The following TRAK1 variants were observed in gnomAD, a reference collection of about 807,000 sequenced individuals.
TRAK1 encodes the protein trafficking kinesin protein 1, also known as trafficking kinesin-binding protein 1.
Under a neutral mutation model 92.1 loss-of-function variants are expected in TRAK1, and 33 were observed. The ratio of observed to expected loss-of-function variants is 0.36; its 90% CI spans 0.27 to 0.48. TRAK1 has a LOEUF of 0.48. TRAK1 is among the 20% of genes least tolerant of loss of function. The pLI is 0.99. For missense variants in TRAK1, 1,123 were observed against 1,257.9 expected (o/e 0.89, Z 1.62); for synonymous variants, 521 against 517.3 (o/e 1.01, Z -0.10).
chr3:42,102,898 C>A (rs1201844756), intron 1 of TRAK1, among the ~76,000 whole-genome samples: 1 of 152,166 alleles, frequency 6.6e-6, no homozygotes, highest in Non-Finnish European at 1.5e-5. Context: ...TCTATCAGTA[C>A]GTGTGCTCAG....
intron 3 of TRAK1, among the ~76,000 whole-genome samples, chr3:42,183,492 G>A (rs1216827629): frequency 6.7e-6 from 1 of 149,630 alleles, no homozygotes; most frequent in Non-Finnish European, 1.5e-5. Context: ...AGAGGTGGAG[G>A]TTACAGTGAG....
upstream of TRAK1, chr3:42,091,007 A>T (rs1705005333): frequency 1.2e-5 from 2 of 167,150 alleles, no homozygotes; most frequent in South Asian, 3.2e-4. Flanking sequence ...CCAAGAATGC[A>T]TCTGTGGCCT....
chr3:42,091,825 A>G (rs577402206), intron 1 of TRAK1, among the ~76,000 whole-genome samples: 1 of 152,162 alleles, frequency 6.6e-6, no homozygotes, highest in South Asian at 2.1e-4. Flanking sequence ...TGCAAGTGAC[A>G]CTTGCAGGGC....
At chr3:42,121,882 A>G (rs1008056171) in intron 1 of TRAK1, among the ~76,000 whole-genome samples, 1 of 151,728 alleles carries the variant, frequency 6.6e-6, no homozygotes, top group Non-Finnish European at 1.5e-5. Context: ...CAGTGGCGTG[A>G]TCTTGGCTTA....
At chr3:42,111,033 GC>G (rs1274771990) in intron 1 of TRAK1, among the ~76,000 whole-genome samples, 1 of 152,116 alleles carries the variant, frequency 6.6e-6, no homozygotes, top group East Asian at 1.9e-4. Context: ...AATGCCAGGG[GC>G]CAAGGGGGTA....
rs138273292 is a variant in TRAK1, at chr3:42,160,448, T to G, written c.287-16366T>G. 158 of 1,614,090 alleles carry G rather than the reference T, an allele frequency of 9.8e-5. 1 individual carries two copies. Among genetic ancestry groups the G allele is most frequent in the Non-Finnish European group, 1.1e-4 (133 of 1,180,034 alleles). ...AGAGGAAGCCAACCCACAGGCAGCA[T>G]GACACCCAGGACCTCTTGGAAGAGG... is the stretch of plus-strand genomic sequence containing the variant. On this transcript the variant is annotated intron_variant, in intron 2 of 15. Coordinates refer to ENST00000327628, the MANE Select transcript of TRAK1 (RefSeq NM_001042646.3).
chr3:42,204,309 G>A, intron 13 of TRAK1: 1 of 946,876 alleles, frequency 1.1e-6, no homozygotes, highest in Non-Finnish European at 1.3e-6. Flanking sequence ...CTAAGAATAT[G>A]TTTTTGAATT....
intron 8 of TRAK1, 44 bp from the exon 9 acceptor site, chr3:42,193,780 T>C (rs1706168826): frequency 4.4e-6 from 7 of 1,608,484 alleles, no homozygotes; most frequent in African/African-American, 2.7e-5. Context: ...AGTTGGACTT[T>C]TACCAAGTAT....
intron 13 of TRAK1, among the ~76,000 whole-genome samples, chr3:42,208,218 G>GT (rs1323055398): frequency 6.6e-6 from 1 of 152,076 alleles, no homozygotes; most frequent in Non-Finnish European, 1.5e-5. Context: ...TCCAAATTAA[G>GT]TATGTTGCTA....
At chr3:42,171,545 T>C (rs942352613) in intron 2 of TRAK1, among the ~76,000 whole-genome samples, 2 of 152,142 alleles carry the variant, frequency 1.3e-5, no homozygotes, top group Admixed American at 1.3e-4. Context: ...GGGTTAGGCC[T>C]CTAGGTTCTG....
chr3:42,153,072 T>G (rs1451704469), intron 2 of TRAK1, among the ~76,000 whole-genome samples: 3 of 152,178 alleles, frequency 2.0e-5, no homozygotes, highest in Non-Finnish European at 4.4e-5. Flanking sequence ...GAAATAGTAC[T>G]AGTTATTAAG....
At chr3:42,068,131 G>T (rs1218504229) in intron 1 of TRAK1, among the ~76,000 whole-genome samples, 1 of 151,714 alleles carries the variant, frequency 6.6e-6, no homozygotes, top group African/African-American at 2.4e-5. Flanking sequence ...CTGCACTCCA[G>T]CATGGGCAAG....
At chr3:42,131,831 G>A (rs1402839911) in intron 2 of TRAK1, among the ~76,000 whole-genome samples, 2 of 151,858 alleles carry the variant, frequency 1.3e-5, no homozygotes, top group Admixed American at 1.3e-4. Flanking sequence ...GCCAAGGCAG[G>A]CAGATCATAT....
At chr3:42,127,316 T>C (rs992494778) in intron 2 of TRAK1, among the ~76,000 whole-genome samples, 2 of 151,558 alleles carry the variant, frequency 1.3e-5, no homozygotes, top group African/African-American at 2.4e-5. Flanking sequence ...GCCATTTCTC[T>C]CACAGGAGGC....
intron 1 of TRAK1, among the ~76,000 whole-genome samples, chr3:42,050,043 A>G: frequency 6.6e-6 from 1 of 152,106 alleles, no homozygotes; most frequent in East Asian, 1.9e-4. Flanking sequence ...ACAATAAGAC[A>G]CTTGGCCTTT....
chr3:42,220,708 C>T (rs936333560), intron 15 of TRAK1: 1 of 678,384 alleles, frequency 1.5e-6, no homozygotes, highest in East Asian at 1.4e-4. Context: ...TGTGGTTGTG[C>T]CTGGCTAACT....
At chr3:42,219,301 C>T (rs1710070930) in intron 14 of TRAK1, 193 bp from the exon 15 acceptor site, 2 of 985,184 alleles carry the variant, frequency 2.0e-6, no homozygotes, top group Non-Finnish European at 2.4e-6. Context: ...CTCTGCAGAC[C>T]AGTGCTCAAA....
At chr3:42,217,612 TG>T (rs1161917511) in intron 14 of TRAK1, 1 of 985,332 alleles carries the variant, frequency 1.0e-6, no homozygotes, top group Non-Finnish European at 1.2e-6. Flanking sequence ...TATGTTTAAA[TG>T]GGGGTATGCT....
At chr3:42,166,417 C>G (rs1348866286) in intron 2 of TRAK1, among the ~76,000 whole-genome samples, 1 of 152,140 alleles carries the variant, frequency 6.6e-6, no homozygotes, top group African/African-American at 2.4e-5. Context: ...TAGATCAACA[C>G]TGGGTGTTCC....
Sources: gnomAD v4.1 joint callset for allele counts (sites outside exome capture counted in the v4.1 genomes callset) on GRCh38, gnomAD v4.1.1 for gene constraint, MANE v1.5 for transcripts, NCBI Gene and HGNC (gene_info 2026-07-23, HGNC 2026-07-21) for gene names.